Variants in DNAJB6 observed in about 807,000 individuals in gnomAD.
DNAJB6 encodes the protein DnaJ heat shock protein family (Hsp40) member B6, also known as dnaJ homolog subfamily B member 6.
In DNAJB6, 16 loss-of-function variants were observed where a neutral mutation model predicts 42.7. That is an observed-to-expected ratio of 0.37 (90% CI 0.25 to 0.57). DNAJB6 has a LOEUF of 0.57. DNAJB6 is among the 20% of genes least tolerant of loss of function. DNAJB6 has a pLI of 0.74. For synonymous variants in DNAJB6, 170 were observed against 163.5 expected (o/e 1.04, Z -0.30); for missense variants, 347 against 416.8 (o/e 0.83, Z 1.46).
At chr7:157,414,190 C>G (rs1332925956) in intron 9 of DNAJB6, 1 of 152,346 alleles carries the variant, frequency 6.6e-6, no homozygotes. Context: ...TTTAAAGGAG[C>G]TCCGTTACTC....
At chr7:157,400,435 GAGCTCTT>G (rs2117167101) in intron 8 of DNAJB6, among the ~76,000 whole-genome samples, 1 of 152,340 alleles carries the variant, frequency 6.6e-6, no homozygotes, top group African/African-American at 2.4e-5. Flanking sequence ...CGCTGGCACC[GAGCTCTT>G]CTCCTTGGTG....
At position 157,365,025 on chromosome 7, in the gene DNAJB6, C is replaced by T. The variant is rs559665962; in HGVS notation, c.176-1477C>T. The stretch of plus-strand genomic sequence containing the variant: ...GGAATGTAGTGGCATGATCACAGTT[C>T]GCTGCAGTCTTGACCTCCCAGGCTC... On this transcript the variant is annotated intron_variant, in intron 3 of 9. Coordinates refer to ENST00000262177, the MANE Select transcript of DNAJB6 (RefSeq NM_058246.4). Among the ~76,000 whole-genome samples, 13 of 152,296 alleles carry T rather than the reference C, an allele frequency of 8.5e-5. No individual in the cohort carries two copies. In the South Asian group the frequency reaches 1.9e-3, roughly 22 times the overall value.
At chr7:157,337,731 C>A (rs1207557990) in intron 1 of DNAJB6, 1 of 152,260 alleles carries the variant, frequency 6.6e-6, no homozygotes, top group African/African-American at 2.4e-5. Context: ...GTCTGCTTTG[C>A]TTTGCGTTAA....
At chr7:157,363,806 G>A (rs1799722187) in intron 3 of DNAJB6, among the ~76,000 whole-genome samples, 1 of 152,174 alleles carries the variant, frequency 6.6e-6, no homozygotes, top group Admixed American at 6.5e-5. Context: ...CTGGAAGTCA[G>A]ATCCATTGGC....
intron 1 of DNAJB6, among the ~76,000 whole-genome samples, chr7:157,342,947 T>C (rs1239007394): frequency 1.0e-5 from 1 of 97,576 alleles, no homozygotes; most frequent in South Asian, 3.1e-4. Flanking sequence ...TTCACTGCTG[T>C]GGGTTTTTTT....
intron 1 of DNAJB6, among the ~76,000 whole-genome samples, chr7:157,338,146 A>G (rs1798148118): frequency 6.6e-6 from 1 of 152,232 alleles, no homozygotes; most frequent in Admixed American, 6.5e-5. Flanking sequence ...AGTTAGAGTG[A>G]AGACCGAAGA....
chr7:157,359,351 T>G (rs1204092095), intron 2 of DNAJB6, among the ~76,000 whole-genome samples: 3 of 152,204 alleles, frequency 2.0e-5, no homozygotes, highest in African/African-American at 7.2e-5. Flanking sequence ...TTAACTTTTT[T>G]GGGGGCCAAA....
At chr7:157,387,338 TAGG>T (rs991495979) in intron 8 of DNAJB6, among the ~76,000 whole-genome samples, 46 of 152,194 alleles carry the variant, frequency 3.0e-4, no homozygotes, top group African/African-American at 1.1e-3. Context: ...CTGGATAAGG[TAGG>T]TATGCAGCCA....
rs1800212239 is a variant in DNAJB6 at position 157,371,548 on chromosome 7, C to T, written c.346+4065C>T. The stretch of plus-strand genomic sequence containing the variant: ...CAGAAGAAGCCCTCCCAGGAGAGGT[C>T]GCGGAGGCGGATTCTAACACCAGCC... On this transcript the variant is annotated intron_variant, in intron 5 of 9. Coordinates refer to ENST00000262177, the MANE Select transcript of DNAJB6 (RefSeq NM_058246.4). Among the ~76,000 whole-genome samples, 3 of 152,220 alleles carry T rather than the reference C, an allele frequency of 2.0e-5. No individual in the cohort carries two copies. The South Asian group carries it at 6.2e-4, about 31-fold the overall frequency.
chr7:157,364,037 A>C (rs756140015), intron 3 of DNAJB6, among the ~76,000 whole-genome samples: 78 of 152,176 alleles, frequency 5.1e-4, no homozygotes, highest in Non-Finnish European at 8.5e-4. Context: ...GAACCCTGGA[A>C]GTGGGCACTT....
intron 8 of DNAJB6, among the ~76,000 whole-genome samples, chr7:157,392,996 G>A (rs763255232): frequency 2.6e-5 from 4 of 152,142 alleles, no homozygotes; most frequent in Non-Finnish European, 5.9e-5. Flanking sequence ...TTGAGGCAGT[G>A]TCTTGCTGTG....
intron 5 of DNAJB6, among the ~76,000 whole-genome samples, chr7:157,368,162 C>T (rs1283680573): frequency 2.6e-5 from 4 of 152,170 alleles, no homozygotes; most frequent in African/African-American, 9.7e-5. Context: ...TCTTCTTCCT[C>T]TTTGAAAATT....
chr7:157,404,881 C>G (rs1795704298), intron 8 of DNAJB6, among the ~76,000 whole-genome samples: 1 of 152,164 alleles, frequency 6.6e-6, no homozygotes. Context: ...TTAAGTGATC[C>G]TCCTGCCTCA....
chr7:157,373,726 G>A (rs1403007751), intron 5 of DNAJB6, among the ~76,000 whole-genome samples: 4 of 152,172 alleles, frequency 2.6e-5, no homozygotes, highest in Non-Finnish European at 5.9e-5. Context: ...AGATTGGATC[G>A]GTGTGTGCTG....
At chr7:157,365,010 G>A (rs1036458267) in intron 3 of DNAJB6, among the ~76,000 whole-genome samples, 1 of 152,116 alleles carries the variant, frequency 6.6e-6, no homozygotes, top group Admixed American at 6.5e-5. Context: ...GGAATGTAGT[G>A]GCATGATCAC....
intron 1 of DNAJB6, among the ~76,000 whole-genome samples, chr7:157,348,747 T>C (rs1317586138): frequency 6.6e-6 from 1 of 152,154 alleles, no homozygotes; most frequent in Non-Finnish European, 1.5e-5. Flanking sequence ...TGTAAAATTC[T>C]TCAGTTGCGC....
intron 6 of DNAJB6, among the ~76,000 whole-genome samples, chr7:157,383,606 T>C (rs897236312): frequency 5.1e-5 from 4 of 78,150 alleles, no homozygotes; most frequent in African/African-American, 2.2e-4. Flanking sequence ...CTCCTGTATG[T>C]GTGTTTGTGT....
rs1563154013 is a variant in DNAJB6 at position 157,409,927 on chromosome 7, GTC to G, written c.830_831del (p.Ser277Ter). 1 of 1,536,408 alleles carries G rather than the reference GTC, an allele frequency of 6.5e-7. No homozygotes were observed. The highest frequency in any genetic ancestry group is 1.2e-5 in the South Asian group (1 of 83,950). ...TCGCTGCTGAGACACGCGCCTCACTGTCTCTCTGAGGAGGAGGGCGAGCAGGA... is the reference window on the plus strand; with the variant it reads ...TCGCTGCTGAGACACGCGCCTCACTGTCTCTGAGGAGGAGGGCGAGCAGGA... On this transcript the variant is annotated frameshift_variant, in exon 9 of 10. Transcript: ENST00000262177. LOFTEE classifies it high-confidence loss of function.
At chr7:157,401,078 C>T (rs1057380533) in intron 8 of DNAJB6, among the ~76,000 whole-genome samples, 2 of 152,186 alleles carry the variant, frequency 1.3e-5, no homozygotes, top group African/African-American at 4.8e-5. Context: ...TGTCGGCCTC[C>T]TCGCCTCTGA....
Sources: allele counts gnomAD v4.1 joint callset (sites outside exome capture counted in the v4.1 genomes callset), GRCh38; gene constraint gnomAD v4.1.1; transcripts MANE v1.5; gene names NCBI Gene and HGNC (gene_info 2026-07-23, HGNC 2026-07-21).